Variants in RORA observed in about 807,000 individuals in gnomAD.
The protein encoded by RORA is nuclear receptor ROR-alpha.
Under a neutral mutation model 69.5 loss-of-function variants are expected in RORA, and 7 were observed. The observed-to-expected ratio is 0.10, with a 90% confidence interval of 0.06 to 0.19. The LOEUF is 0.19. Ranked by LOEUF, RORA falls within the 10% of genes least tolerant of loss-of-function variation. The pLI, the probability that RORA is intolerant of heterozygous loss-of-function variation, is 1.00. For missense variants in RORA, 457 were observed against 663.0 expected (o/e 0.69, Z 3.41); for synonymous variants, 261 against 240.8 (o/e 1.08, Z -0.78).
intron 3 of RORA, chr15:60,529,172 CAGA>C (rs2066454208): frequency 6.6e-6 from 1 of 152,170 alleles, no homozygotes; most frequent in Non-Finnish European, 1.5e-5. Context: ...ATGATTAGCT[CAGA>C]AGATGACTGA....
At chr15:60,610,452 T>C (rs1467913018) in intron 2 of RORA, among the ~76,000 whole-genome samples, 1 of 152,130 alleles carries the variant, frequency 6.6e-6, no homozygotes, top group African/African-American at 2.4e-5. Context: ...ACGTGCTCTT[T>C]GGTTTTGTCT....
At chr15:60,821,730 T>G (rs2072895961) in intron 1 of RORA, among the ~76,000 whole-genome samples, 1 of 152,236 alleles carries the variant, frequency 6.6e-6, no homozygotes, top group African/African-American at 2.4e-5. Context: ...TGGCAGGCAT[T>G]GCACTAGGTG....
At chr15:61,182,712 G>A (rs1341839919) in intron 1 of RORA, among the ~76,000 whole-genome samples, 1 of 152,220 alleles carries the variant, frequency 6.6e-6, no homozygotes, top group African/African-American at 2.4e-5. Flanking sequence ...ATGGCTGGCA[G>A]ACACCACCTT....
intron 2 of RORA, among the ~76,000 whole-genome samples, chr15:60,641,419 T>G (rs940125445): frequency 6.6e-6 from 1 of 151,608 alleles, no homozygotes; most frequent in African/African-American, 2.4e-5. Context: ...TTTCCATTTC[T>G]TTTTTTTTAA....
intron 9 of RORA, among the ~76,000 whole-genome samples, chr15:60,500,384 A>G (rs1230981015): frequency 3.3e-5 from 5 of 152,208 alleles, no homozygotes; most frequent in Non-Finnish European, 7.3e-5. Context: ...GAAAAATAGG[A>G]AAGTTTTCTT....
At chr15:60,656,200 G>T (rs1054353146) in intron 2 of RORA, among the ~76,000 whole-genome samples, 1 of 152,116 alleles carries the variant, frequency 6.6e-6, no homozygotes, top group Non-Finnish European at 1.5e-5. Flanking sequence ...TCCTCACTTC[G>T]CAGATACGGA....
chr15:60,742,860 T>C (rs1002958206), intron 1 of RORA, among the ~76,000 whole-genome samples: 15 of 152,136 alleles, frequency 9.9e-5, no homozygotes, highest in Admixed American at 8.5e-4. Context: ...ATATTGTGTA[T>C]ATATACCACC....
At chr15:61,057,206 A>T (rs535243738) in intron 1 of RORA, among the ~76,000 whole-genome samples, 1 of 152,360 alleles carries the variant, frequency 6.6e-6, no homozygotes, top group South Asian at 2.1e-4. Context: ...CTCTTGGAAC[A>T]TCTACATAAA....
In RORA at chr15:61,226,975, A is replaced by C. The variant is rs2080150763; in HGVS notation, c.166+2078T>G. On this transcript the variant is annotated intron_variant, in intron 1 of 10. Coordinates refer to ENST00000335670, the MANE Select transcript of RORA (RefSeq NM_134261.3). This position sits in a 1 kb window ranked among gnomAD's most constrained non-coding sequence, Gnocchi z 4.2. The stretch of plus-strand genomic sequence containing the variant: ...CCCTCTCCCCTTTTTGCTGAGCCTA[A>C]GGGGGCTGGTGGCACTGAATGCTCC... Among the ~76,000 whole-genome samples the C allele has an allele frequency of 6.6e-6, 1 of 152,084 alleles. No individual in the cohort carries two copies. The highest frequency in any genetic ancestry group is 6.6e-5 in the Admixed American group (1 of 15,264).
intron 2 of RORA, among the ~76,000 whole-genome samples, chr15:60,625,847 C>T (rs58113229): frequency 1.3e-5 from 2 of 152,072 alleles, no homozygotes; most frequent in African/African-American, 2.4e-5. Flanking sequence ...ACTTTACATC[C>T]TTTCGTACCT....
In RORA at chr15:61,128,056, A is replaced by C. The variant is rs769426200; in HGVS notation, c.166+100997T>G. ...ATAGGATTTTAAATCTGGAGGAAAA[A>C]AACAAGGGAAGGAGAAAGGGAGGGA... On this transcript the variant is annotated intron_variant, in intron 1 of 10. Coordinates refer to ENST00000335670, the MANE Select transcript of RORA (RefSeq NM_134261.3). The surrounding 1 kb of genome is among the most constrained non-coding windows in gnomAD (Gnocchi z 4.5). 5.3e-5 allele frequency among the ~76,000 whole-genome samples: 8 copies of C among 152,334 alleles called. No homozygotes were observed. The highest frequency in any genetic ancestry group is 5.2e-4 in the Admixed American group (8 of 15,304).
intron 1 of RORA, among the ~76,000 whole-genome samples, chr15:60,855,210 G>T (rs1208022174): frequency 6.6e-6 from 1 of 152,204 alleles, no homozygotes; most frequent in African/African-American, 2.4e-5. Context: ...GGAACACTGG[G>T]TATCAAAGGA....
chr15:61,005,846 G>C (rs1894894865), intron 1 of RORA, among the ~76,000 whole-genome samples: 1 of 152,168 alleles, frequency 6.6e-6, no homozygotes, highest in Non-Finnish European at 1.5e-5. Context: ...GTGTGCGTAT[G>C]TCTGTGTATG....
chr15:60,808,031 C>A (rs2072683164), intron 1 of RORA, among the ~76,000 whole-genome samples: 1 of 152,010 alleles, frequency 6.6e-6, no homozygotes, highest in African/African-American at 2.4e-5. Flanking sequence ...ACTTCATGAC[C>A]AAGAACCCAA....
At chr15:61,112,467 A>G (rs2079015478) in intron 1 of RORA, among the ~76,000 whole-genome samples, 1 of 152,116 alleles carries the variant, frequency 6.6e-6, no homozygotes, top group Non-Finnish European at 1.5e-5. Flanking sequence ...GCATTTGAGC[A>G]AAGCCTAACA....
At chr15:60,989,822 C>T (rs1470316927) in intron 1 of RORA, among the ~76,000 whole-genome samples, 2 of 150,922 alleles carry the variant, frequency 1.3e-5, no homozygotes, top group African/African-American at 2.4e-5. Flanking sequence ...CTAACTTTTA[C>T]TCTCCACTCA....
rs1246952614 is a variant in RORA, at chr15:60,634,097, C to T, written c.196+44560G>A. ...ATATTCTTTAGAAATATGAAGAATA[C>T]CCCCAGCTTTTCACAGTGATAATCT... On this transcript the variant is annotated intron_variant, in intron 2 of 10. Coordinates refer to ENST00000335670, the MANE Select transcript of RORA (RefSeq NM_134261.3). Among the ~76,000 whole-genome samples, 5 of 151,908 alleles carry T rather than the reference C, an allele frequency of 3.3e-5. No homozygotes were observed. The East Asian group carries it at 7.7e-4, about 23-fold the overall frequency.
At chr15:60,600,783 T>TA (rs1417561530) in intron 2 of RORA, among the ~76,000 whole-genome samples, 1 of 152,106 alleles carries the variant, frequency 6.6e-6, no homozygotes, top group African/African-American at 2.4e-5. Context: ...TCCTCAAAAA[T>TA]AATTTTGTGA....
intron 1 of RORA, among the ~76,000 whole-genome samples, chr15:60,790,771 C>T (rs566020182): frequency 3.1e-4 from 47 of 152,272 alleles, no homozygotes; most frequent in African/African-American, 4.8e-4. Flanking sequence ...TAATGCACAG[C>T]GCTCTTGTCC....
Sources: gnomAD v4.1 joint callset for allele counts (sites outside exome capture counted in the v4.1 genomes callset) on GRCh38, gnomAD v4.1.1 for gene constraint, Gnocchi (gnomAD v3.1) non-coding constraint, MANE v1.5 for transcripts, NCBI Gene and HGNC (gene_info 2026-07-23, HGNC 2026-07-21) for gene names.